The following HTR1F variants were observed in gnomAD, a reference collection of about 807,000 sequenced individuals.
HTR1F encodes 5-hydroxytryptamine receptor 1F, also known as 5-hydroxytryptamine (serotonin) receptor 1F, G protein-coupled.
HTR1F carries 17 observed loss-of-function variants against 24.0 expected under a neutral mutation model. That is an observed-to-expected ratio of 0.71 (90% CI 0.48 to 1.06). The LOEUF (loss-of-function observed/expected upper bound fraction) is 1.06, where lower values mean the gene tolerates loss of function less well. HTR1F is among the 50% of genes least tolerant of loss of function. The pLI, the probability that HTR1F is intolerant of heterozygous loss-of-function variation, is 0.00. For synonymous variants in HTR1F, 186 were observed against 156.8 expected (o/e 1.19, Z -1.39); for missense variants, 391 against 427.8 (o/e 0.91, Z 0.76).
chr3:87,959,067 T>A (rs1705005529), intron 2 of HTR1F, among the ~76,000 whole-genome samples: 2 of 151,756 alleles, frequency 1.3e-5, no homozygotes, highest in Admixed American at 6.6e-5. Flanking sequence ...ACTCTGAAAC[T>A]TTTAATTTAC....
chr3:87,885,882 C>A (rs145576831), intron 2 of HTR1F, among the ~76,000 whole-genome samples: 18,230 of 152,008 alleles, frequency 0.12, 1,388 homozygotes, highest in African/African-American at 0.21. Context: ...CAGGACCAGA[C>A]GGATTCTCAG....
At chr3:87,970,313 A>G (rs1705258724) in intron 2 of HTR1F, among the ~76,000 whole-genome samples, 1 of 152,212 alleles carries the variant, frequency 6.6e-6, no homozygotes. Context: ...TTTAAAACAC[A>G]TTGATGAGTT....
At chr3:87,796,216 A>ATCTAT (rs1236650304) in intron 1 of HTR1F, among the ~76,000 whole-genome samples, 2 of 152,152 alleles carry the variant, frequency 1.3e-5, no homozygotes, top group East Asian at 1.9e-4. Flanking sequence ...AGGTGACAAG[A>ATCTAT]CTTGATGATA....
At chr3:87,840,239 T>C (rs1160855147) in intron 2 of HTR1F, among the ~76,000 whole-genome samples, 3 of 152,304 alleles carry the variant, frequency 2.0e-5, no homozygotes, top group South Asian at 2.1e-4. Flanking sequence ...AAGACCCTTA[T>C]AGATCCTGGA....
At chr3:87,834,906 T>C (rs1704652098) in intron 2 of HTR1F, among the ~76,000 whole-genome samples, 1 of 152,166 alleles carries the variant, frequency 6.6e-6, no homozygotes, top group Non-Finnish European at 1.5e-5. Context: ...GTTAAGTAGT[T>C]GCAACAGAGA....
chr3:87,839,998 A>G (rs1006667529), intron 2 of HTR1F, among the ~76,000 whole-genome samples: 2 of 152,078 alleles, frequency 1.3e-5, no homozygotes, highest in Non-Finnish European at 2.9e-5. Context: ...TTCTTTATCT[A>G]ACCTACCACC....
intron 1 of HTR1F, among the ~76,000 whole-genome samples, chr3:87,801,108 C>T (rs1703983081): frequency 6.6e-6 from 1 of 152,124 alleles, no homozygotes; most frequent in African/African-American, 2.4e-5. Context: ...GTCAAACTTT[C>T]ATCTATTTCA....
chr3:87,879,324 T>A (rs1030850798), intron 2 of HTR1F, among the ~76,000 whole-genome samples: 4 of 152,212 alleles, frequency 2.6e-5, no homozygotes, highest in Non-Finnish European at 4.4e-5. Flanking sequence ...AACTTCTTAT[T>A]TTTGCTTGTA....
chr3:87,990,011 C>A (rs1705783213), intron 2 of HTR1F, among the ~76,000 whole-genome samples: 1 of 152,216 alleles, frequency 6.6e-6, no homozygotes, highest in South Asian at 2.1e-4. Context: ...TCTGGAGCCT[C>A]AGTAAGTTTA....
At chr3:87,912,092 A>G (rs1703790719) in intron 2 of HTR1F, among the ~76,000 whole-genome samples, 1 of 152,074 alleles carries the variant, frequency 6.6e-6, no homozygotes, top group Non-Finnish European at 1.5e-5. Flanking sequence ...AAAGAATAAA[A>G]GGCATCCAAA....
intron 2 of HTR1F, among the ~76,000 whole-genome samples, chr3:87,855,612 T>C (rs1281218334): frequency 6.6e-6 from 1 of 152,130 alleles, no homozygotes; most frequent in African/African-American, 2.4e-5. Flanking sequence ...ATTGTATTAC[T>C]TATACAGTTG....
chr3:87,871,624 G>A (rs1247439020), intron 2 of HTR1F, among the ~76,000 whole-genome samples: 2 of 151,864 alleles, frequency 1.3e-5, no homozygotes, highest in Non-Finnish European at 2.9e-5. Flanking sequence ...TCAAAATGTT[G>A]AAAGTGAAAA....
chr3:87,818,602 A>G (rs1192334063), intron 1 of HTR1F, among the ~76,000 whole-genome samples: 1 of 152,130 alleles, frequency 6.6e-6, no homozygotes, highest in Non-Finnish European at 1.5e-5. Context: ...AGGCTCCTCC[A>G]CGGCCCCTCT....
intron 2 of HTR1F, among the ~76,000 whole-genome samples, chr3:87,833,913 T>A (rs1356839443): frequency 6.6e-6 from 1 of 152,232 alleles, no homozygotes; most frequent in Non-Finnish European, 1.5e-5. Context: ...CCATTTTTAA[T>A]AACTTTGTAA....
intron 1 of HTR1F, among the ~76,000 whole-genome samples, chr3:87,794,782 G>A (rs1421885365): frequency 6.6e-6 from 1 of 152,054 alleles, no homozygotes; most frequent in Non-Finnish European, 1.5e-5. Flanking sequence ...GTGGGATTGA[G>A]CAACAGCACA....
chr3:87,940,623 A>T (rs1365737940), intron 2 of HTR1F, among the ~76,000 whole-genome samples: 2 of 152,172 alleles, frequency 1.3e-5, no homozygotes, highest in East Asian at 3.9e-4. Context: ...ATTAGGAAAA[A>T]CTACTTTAAA....
At chr3:87,944,826 G>T (rs540559323) in intron 2 of HTR1F, among the ~76,000 whole-genome samples, 1 of 152,150 alleles carries the variant, frequency 6.6e-6, no homozygotes, top group Non-Finnish European at 1.5e-5. Context: ...TGGGCCATCC[G>T]TGGGTTACGG....
chr3:87,951,421 T>C (rs528506338), intron 2 of HTR1F, among the ~76,000 whole-genome samples: 55 of 152,236 alleles, frequency 3.6e-4, no homozygotes, highest in African/African-American at 1.3e-3. Flanking sequence ...CATGAGGAAG[T>C]TGACACCATT....
At chr3:87,875,854 G>A (rs1198760155) in intron 2 of HTR1F, among the ~76,000 whole-genome samples, 7 of 150,386 alleles carry the variant, frequency 4.7e-5, no homozygotes, top group African/African-American at 1.7e-4. Context: ...AACCCAGGAG[G>A]TGGAGCTTGC....
Sources: allele counts gnomAD v4.1 joint callset (sites outside exome capture counted in the v4.1 genomes callset), GRCh38; gene constraint gnomAD v4.1.1; transcripts MANE v1.5; gene names NCBI Gene and HGNC (gene_info 2026-07-23, HGNC 2026-07-21).